Variants in VAV3 observed in about 807,000 individuals in gnomAD.
VAV3 encodes vav guanine nucleotide exchange factor 3, also known as guanine nucleotide exchange factor VAV3.
Under a neutral mutation model 131.2 loss-of-function variants are expected in VAV3, and 94 were observed. The ratio of observed to expected loss-of-function variants is 0.72; its 90% confidence interval spans 0.61 to 0.85. VAV3 has a LOEUF of 0.85. Among genes scored for constraint, VAV3 ranks in the 40% least tolerant of loss-of-function variants. The pLI is 0.00. For synonymous variants in VAV3, 349 were observed against 342.0 expected, an observed-to-expected ratio of 1.02 and a Z score of -0.22; for missense variants, 939 against 1,002.7, an observed-to-expected ratio of 0.94 and a Z score of 0.86.
chr1:107,955,864 G>A (rs1330890237), intron 1 of VAV3, among the ~76,000 whole-genome samples: 1 of 152,172 alleles, frequency 6.6e-6, no homozygotes, highest in Non-Finnish European at 1.5e-5. Context: ...AAAGTTATAA[G>A]GAGGTTGTCT....
intron 25 of VAV3, among the ~76,000 whole-genome samples, chr1:107,592,783 G>T (rs981230308): frequency 2.0e-5 from 3 of 152,106 alleles, no homozygotes; most frequent in Admixed American, 1.3e-4. Flanking sequence ...AGCTACTCTG[G>T]CAGACCTCAA....
At chr1:107,840,031 C>T (rs1668629409) in intron 2 of VAV3, among the ~76,000 whole-genome samples, 1 of 152,126 alleles carries the variant, frequency 6.6e-6, no homozygotes, top group African/African-American at 2.4e-5. Context: ...TAATAACCTT[C>T]CAAAAGAAAA....
chr1:107,879,126 A>T (rs1015623424), intron 1 of VAV3, among the ~76,000 whole-genome samples: 1 of 152,086 alleles, frequency 6.6e-6, no homozygotes, highest in Non-Finnish European at 1.5e-5. Flanking sequence ...AATTACAATA[A>T]TATTTGTTTC....
At chr1:107,629,599 C>A (rs998569405) in intron 20 of VAV3, among the ~76,000 whole-genome samples, 2 of 151,834 alleles carry the variant, frequency 1.3e-5, no homozygotes, top group Non-Finnish European at 2.9e-5. Flanking sequence ...TTTTATAGAG[C>A]TTTCAAGGGA....
chr1:107,924,924 G>A (rs1262061925), intron 1 of VAV3, among the ~76,000 whole-genome samples: 1 of 152,188 alleles, frequency 6.6e-6, no homozygotes, highest in Non-Finnish European at 1.5e-5. Flanking sequence ...CAACAGAAAT[G>A]TGTCCCAAAA....
chr1:107,638,854 C>A (rs536236733), intron 20 of VAV3, among the ~76,000 whole-genome samples: 1 of 152,102 alleles, frequency 6.6e-6, no homozygotes, highest in African/African-American at 2.4e-5. Context: ...AACAAAATAA[C>A]AGTCCAGAAA....
intron 17 of VAV3, among the ~76,000 whole-genome samples, chr1:107,700,208 T>C (rs774531752): frequency 2.6e-5 from 4 of 152,240 alleles, no homozygotes; most frequent in Non-Finnish European, 5.9e-5. Context: ...GAACATTGTT[T>C]CATGGTCTAT....
chr1:107,839,329 G>C (rs1360687953), intron 2 of VAV3, among the ~76,000 whole-genome samples: 1 of 152,016 alleles, frequency 6.6e-6, no homozygotes, highest in Non-Finnish European at 1.5e-5. Flanking sequence ...ATCATATAAA[G>C]TATGTTCTCA....
intron 20 of VAV3, among the ~76,000 whole-genome samples, chr1:107,634,729 A>C (rs1288793254): frequency 6.6e-6 from 1 of 151,104 alleles, no homozygotes; most frequent in Non-Finnish European, 1.5e-5. Flanking sequence ...CTCATCTGAC[A>C]AAGGGCTAAT....
chr1:107,761,250 G>C, intron 9 of VAV3, among the ~76,000 whole-genome samples: 1 of 151,876 alleles, frequency 6.6e-6, no homozygotes, highest in East Asian at 1.9e-4. Flanking sequence ...AAAATTAGCC[G>C]GTCATGGTGG....
At chr1:107,919,105 A>T (rs1672764011) in intron 1 of VAV3, among the ~76,000 whole-genome samples, 3 of 152,244 alleles carry the variant, frequency 2.0e-5, no homozygotes, top group Non-Finnish European at 4.4e-5. Context: ...TATAATTAAA[A>T]AACAAATCAA....
intron 11 of VAV3, among the ~76,000 whole-genome samples, chr1:107,756,264 T>G (rs1469877364): frequency 6.6e-6 from 1 of 152,234 alleles, no homozygotes; most frequent in Non-Finnish European, 1.5e-5. Context: ...CAGATTTTCC[T>G]GTTTTCTGAG....
rs574926914 is a variant in VAV3 at position 107,811,127 on chromosome 1, G to C, written c.322-31635C>G. Among the ~76,000 whole-genome samples the C allele has an allele frequency of 2.0e-5, 3 of 152,262 alleles. No homozygotes were observed. In the South Asian group the frequency reaches 6.2e-4, roughly 32 times the overall value. On this transcript the variant is annotated intron_variant, in intron 2 of 26. Transcript: ENST00000370056. ...CAGACACAGAAGGCACAGAGAAGATGAAAGAAATAACATTGACAGGTTTTG... is the reference window on the plus strand; with the variant it reads ...CAGACACAGAAGGCACAGAGAAGATCAAAGAAATAACATTGACAGGTTTTG...
intron 15 of VAV3, among the ~76,000 whole-genome samples, chr1:107,739,484 G>T (rs566074785): frequency 6.6e-6 from 1 of 152,242 alleles, no homozygotes; most frequent in East Asian, 1.9e-4. Context: ...TTCAACTTGG[G>T]AGATTAATGT....
At chr1:107,955,420 A>ATGAC (rs750063184) in intron 1 of VAV3, among the ~76,000 whole-genome samples, 8 of 152,024 alleles carry the variant, frequency 5.3e-5, no homozygotes, top group Non-Finnish European at 1.5e-5. Flanking sequence ...CCTATTAGGT[A>ATGAC]TGACTCCCTG....
rs533144421 is a variant in VAV3, at chr1:107,897,071, A to T, written c.205-22054T>A. Among the ~76,000 whole-genome samples the T allele has an allele frequency of 3.3e-5, 5 of 152,158 alleles. No individual in the cohort carries two copies. The South Asian group carries it at 1.0e-3, about 32-fold the overall frequency. On this transcript the variant is annotated intron_variant, in intron 1 of 26. Coordinates refer to ENST00000370056, the MANE Select transcript of VAV3 (RefSeq NM_006113.5). Reference sequence around the variant, plus strand: ...ACAGTACCCAGATGGCAACACAAGGAGCCGGAGCAGCACTGACACCTGCCA... The same window carrying T: ...ACAGTACCCAGATGGCAACACAAGGTGCCGGAGCAGCACTGACACCTGCCA...
At chr1:107,923,910 C>G (rs912016196) in intron 1 of VAV3, among the ~76,000 whole-genome samples, 2 of 152,132 alleles carry the variant, frequency 1.3e-5, no homozygotes, top group African/African-American at 4.8e-5. Flanking sequence ...AATCAGGAAA[C>G]AGGCCCTTAC....
intron 2 of VAV3, among the ~76,000 whole-genome samples, chr1:107,841,359 A>G (rs533814749): frequency 6.6e-4 from 100 of 152,222 alleles, no homozygotes; most frequent in Middle Eastern, 3.4e-3. Flanking sequence ...AAATATGGGG[A>G]AAAAAACTAA....
chr1:107,783,937 G>A (rs1665842599), intron 2 of VAV3, among the ~76,000 whole-genome samples: 1 of 151,416 alleles, frequency 6.6e-6, no homozygotes, highest in Non-Finnish European at 1.5e-5. Context: ...GCGGGCACCT[G>A]TAGTCCCAGC....
Sources: gnomAD v4.1 joint callset for allele counts (sites outside exome capture counted in the v4.1 genomes callset) on GRCh38, gnomAD v4.1.1 for gene constraint, MANE v1.5 for transcripts, NCBI Gene and HGNC (gene_info 2026-07-23, HGNC 2026-07-21) for gene names.